HPS4: variants seen among roughly 807,000 people sequenced by gnomAD.
The protein encoded by HPS4 is BLOC-3 complex member HPS4.
Under a neutral mutation model 70.3 loss-of-function variants are expected in HPS4, and 44 were observed. The ratio of observed to expected loss-of-function variants is 0.63; its 90% confidence interval spans 0.49 to 0.80. The LOEUF (loss-of-function observed/expected upper bound fraction) is 0.80. Ranked by LOEUF, HPS4 falls within the 30% of genes least tolerant of loss-of-function variation. HPS4 has a pLI of 0.00. For synonymous variants in HPS4, 377 were observed against 355.9 expected (o/e 1.06, Z -0.67); for missense variants, 873 against 884.4 (o/e 0.99, Z 0.16).
At chr22:26,448,428 C>T (rs960674280), downstream of HPS4, among the ~76,000 whole-genome samples, 41 of 152,266 alleles carry the variant, frequency 2.7e-4, no homozygotes, top group East Asian at 2.7e-3. Flanking sequence ...CACAGCCACA[C>T]AAGCCAGTCC....
downstream of HPS4, among the ~76,000 whole-genome samples, chr22:26,446,784 G>A (rs1007918440): frequency 2.0e-5 from 3 of 152,154 alleles, no homozygotes; most frequent in Non-Finnish European, 4.4e-5. Context: ...GCCCAGGCTG[G>A]AGTGCAGTGG....
At chr22:26,455,585 G>C (rs1422336486) in intron 13 of HPS4, among the ~76,000 whole-genome samples, 1 of 98,640 alleles carries the variant, frequency 1.0e-5, no homozygotes, top group African/African-American at 4.0e-5. Context: ...CCTGTTGTAG[G>C]GTGGGGGGAG....
At chr22:26,473,450 G>C (rs760122296) in intron 4 of HPS4, among the ~76,000 whole-genome samples, 2 of 152,204 alleles carry the variant, frequency 1.3e-5, no homozygotes, top group Non-Finnish European at 2.9e-5. Flanking sequence ...CCAAAATGCT[G>C]AGCGTAGTGG....
chr22:26,458,458 C>T lies in HPS4; in HGVS notation c.1833G>A (p.Gln611=). 1.9e-6 allele frequency: 3 copies of T among 1,614,170 alleles called. No homozygotes were observed. The highest frequency in any genetic ancestry group is 2.5e-6 in the Non-Finnish European group (3 of 1,180,032). ...GCTGGTTCTTACCCATCAGCAAGCTCTGAATGCGGTCGTAATGTGTGAAGT... is the reference window on the plus strand; with the variant it reads ...GCTGGTTCTTACCCATCAGCAAGCTTTGAATGCGGTCGTAATGTGTGAAGT... ...TYNFTHYDRI[Q]SLLMANLPQV... Residue 611 remains glutamine, a synonymous_variant, in exon 12 of 14, where the codon CAG becomes CAA. Coordinates refer to ENST00000398145, the MANE Select transcript of HPS4 (RefSeq NM_022081.6).
chr22:26,466,851 C>A, intron 8 of HPS4: 1 of 157,116 alleles, frequency 6.4e-6, no homozygotes, highest in South Asian at 1.9e-4. Context: ...AAAACCAAAC[C>A]AAACAAGAAC....
chr22:26,477,523 T>C (rs13053835), intron 3 of HPS4, among the ~76,000 whole-genome samples: 7,601 of 152,168 alleles, frequency 0.05, 241 homozygotes, highest in African/African-American at 0.078. Context: ...AAATCCCCCA[T>C]ACGGAGTGGC....
At position 26,464,523 on chromosome 22, in the gene HPS4, C is replaced by T; in HGVS notation, c.1107G>A (p.Leu369=). ...GAGCCTCTGGAATGTGGATTTCAGA[C>T]AAGTCGAGTTCTTCTTGGAGAAAGA... ...ELVFLQEELD[L]SEIHIPEAQE... is the part of the protein sequence containing the mutation. The change falls in exon 11 of 14, where the codon TTG becomes TTA. Residue 369 remains leucine, a synonymous_variant. Transcript: ENST00000398145. 6.2e-7 allele frequency: 1 copy of T among 1,614,206 alleles called. No individual in the cohort carries two copies. Among genetic ancestry groups the T allele is most frequent in the South Asian group, 1.1e-5 (1 of 91,080 alleles).
chr22:26,452,634 G>T lies in HPS4; in HGVS notation c.*599C>A, dbSNP rs951696387. The T allele has an allele frequency of 7.6e-6, 2 of 262,502 alleles. No individual in the cohort carries two copies. Among genetic ancestry groups the T allele is most frequent in the Non-Finnish European group, 7.6e-6 (1 of 132,016 alleles). The allele number at this position is 262,502 out of a possible 1,614,324, so 16.3% of individuals were successfully genotyped here. A position where few individuals can be genotyped will look rare whatever the true frequency, so the allele number is the denominator to read the frequency against. ...CCCCCATTGTGGGTCCAAAGAAGAC[G>T]CCCCTAGATTTGAGTAGAGTTCCAA... is the stretch of plus-strand genomic sequence containing the variant. On this transcript the variant is annotated 3_prime_UTR_variant, in exon 14 of 14. Coordinates refer to ENST00000398145, the MANE Select transcript of HPS4 (RefSeq NM_022081.6).
intron 2 of HPS4, among the ~76,000 whole-genome samples, chr22:26,480,326 C>G (rs1157156901): frequency 6.6e-6 from 1 of 152,134 alleles, no homozygotes; most frequent in African/African-American, 2.4e-5. Flanking sequence ...AGTGTGCCAT[C>G]ATGCTCGGCT....
rs774114985 is a variant in HPS4 at position 26,464,447 on chromosome 22, G to A, written c.1183C>T (p.Pro395Ser). Residue 395 changes from proline (P) to serine (S), a missense_variant, in exon 11 of 14, where the codon CCA (proline) becomes TCA (serine). Pro to Ser is a moderately conservative substitution (Grantham distance 74, BLOSUM62 -1). Transcript: ENST00000398145. Reference sequence around the variant, plus strand: ...TTGCAGTAAGGAGCCCTGCCATCTGGAACAGGCACATGTAGGAAGGCAAAA... The same window carrying A: ...TTGCAGTAAGGAGCCCTGCCATCTGAAACAGGCACATGTAGGAAGGCAAAA... ...GHFAFLHVPV[P>S]DGRAPYCKAS... 1 of 1,614,222 alleles carries A rather than the reference G, an allele frequency of 6.2e-7. No homozygotes were observed.
At chr22:26,456,551 C>T (rs2086168405) in intron 13 of HPS4, among the ~76,000 whole-genome samples, 1 of 152,176 alleles carries the variant, frequency 6.6e-6, no homozygotes, top group African/African-American at 2.4e-5. Context: ...CCCAGCTACT[C>T]AGGAGGCTGA....
intron 11 of HPS4, among the ~76,000 whole-genome samples, chr22:26,460,573 C>T (rs1277470503): frequency 1.3e-5 from 2 of 152,200 alleles, no homozygotes; most frequent in African/African-American, 4.8e-5. Flanking sequence ...CCCACAGGCA[C>T]GGAGCTTTGC....
intron 3 of HPS4, 51 bp from the exon 4 acceptor site, chr22:26,477,187 T>TA (rs759964870): frequency 1.2e-6 from 2 of 1,605,240 alleles, no homozygotes; most frequent in Middle Eastern, 1.7e-4. Context: ...CTTGAACTCT[T>TA]AAGTCATTTC....
Position 26,470,824 on chromosome 22 carries a change from C to T in HPS4, c.502-11G>A, listed in dbSNP as rs1206465746. The T allele has an allele frequency of 1.2e-6, 2 of 1,614,056 alleles. No individual in the cohort carries two copies. Among genetic ancestry groups the T allele is most frequent in the East Asian group, 2.2e-5 (1 of 44,874 alleles). On this transcript the variant is annotated splice_polypyrimidine_tract_variant and intron_variant, in intron 6 of 13. Coordinates refer to ENST00000398145, the MANE Select transcript of HPS4 (RefSeq NM_022081.6). ...CAACAGGGGCTCCACCTGTGCAGGG[C>T]AAGAGGCATCATGCCCACCCATCAG...
At chr22:26,457,594 G>A (rs2086380981) in intron 13 of HPS4, among the ~76,000 whole-genome samples, 1 of 152,222 alleles carries the variant, frequency 6.6e-6, no homozygotes, top group African/African-American at 2.4e-5. Context: ...AGTAATGGAT[G>A]TAGCTCCATG....
At chr22:26,466,488 G>A in intron 8 of HPS4, 1 of 624,572 alleles carries the variant, frequency 1.6e-6, no homozygotes, top group South Asian at 1.8e-5. Flanking sequence ...AGGCTGCAAG[G>A]CAGCAGCTCC....
chr22:26,465,842 A>G, intron 9 of HPS4: 1 of 550,722 alleles, frequency 1.8e-6, no homozygotes, highest in Non-Finnish European at 3.2e-6. Context: ...TAAGAAAGGG[A>G]TCTGCTCCAA....
chr22:26,470,760 G>A lies in HPS4; in HGVS notation c.555C>T (p.Arg185=), dbSNP rs763201953. Residue 185 remains arginine, a synonymous_variant, in exon 7 of 14, where the codon CGC becomes CGT. Coordinates refer to ENST00000398145, the MANE Select transcript of HPS4 (RefSeq NM_022081.6). Reference sequence around the variant, plus strand: ...TGCAGCCAGCGAGAATGTGAGGCGAGCGCTGGCAGGTCTGCAGAATGCGGG... The same window carrying A: ...TGCAGCCAGCGAGAATGTGAGGCGAACGCTGGCAGGTCTGCAGAATGCGGG... ...KAARILQTCQ[R]SPHILAGCIL... is the part of the protein sequence containing the mutation. 4 of 1,614,200 alleles carry A rather than the reference G, an allele frequency of 2.5e-6. No homozygotes were observed. The Admixed American group carries it at 5.0e-5, about 20-fold the overall frequency.
intron 8 of HPS4, chr22:26,467,656 T>C (rs1166804348): frequency 6.6e-6 from 1 of 152,250 alleles, no homozygotes; most frequent in African/African-American, 2.4e-5. Flanking sequence ...GCATTTTACA[T>C]GCCTGTTCAC....
Sources: allele counts gnomAD v4.1 joint callset (sites outside exome capture counted in the v4.1 genomes callset), GRCh38; gene constraint gnomAD v4.1.1; transcripts MANE v1.5; gene names NCBI Gene and HGNC (gene_info 2026-07-23, HGNC 2026-07-21).